JAK1: variants seen among roughly 807,000 people sequenced by gnomAD.
JAK1 encodes tyrosine-protein kinase JAK1.
JAK1 carries 16 observed loss-of-function variants against 136.6 expected under a neutral mutation model. The observed-to-expected ratio is 0.12, with a 90% CI of 0.08 to 0.18. JAK1 has a LOEUF of 0.18. Ranked by LOEUF, JAK1 falls within the 10% of genes least tolerant of loss-of-function variation. The probability of loss-of-function intolerance (pLI) is 1.00; values close to 1 mark genes in which losing one functional copy is unlikely to be tolerated. For synonymous variants in JAK1, 492 were observed against 519.5 expected (o/e 0.95, Z 0.72); for missense variants, 859 against 1,450.1 (o/e 0.59, Z 6.62).
chr1:64,891,635 G>T (rs765541667), intron 1 of JAK1, among the ~76,000 whole-genome samples: 1 of 152,202 alleles, frequency 6.6e-6, no homozygotes, highest in Non-Finnish European at 1.5e-5. Flanking sequence ...TAGAGCCACC[G>T]AAAATGACTT....
At chr1:64,878,603 A>ATATATC (rs1557658058) in intron 4 of JAK1, among the ~76,000 whole-genome samples, 9 of 110,148 alleles carry the variant, frequency 8.2e-5, no homozygotes, top group Non-Finnish European at 1.7e-4. Flanking sequence ...ATATATATAT[A>ATATATC]TATCTCAAAA....
At position 64,841,335 on chromosome 1, in the gene JAK1, T is replaced by C. The variant is rs977372702; in HGVS notation, c.2559A>G (p.Pro853=). Reference sequence around the variant, plus strand: ...CTGGTTTTTTTTCTGAAACAATATCTGGATCTAACAGAAGAGAAAAGAAAA... The same window carrying C: ...CTGGTTTTTTTTCTGAAACAATATCCGGATCTAACAGAAGAGAAAAGAAAA... The part of the protein sequence containing the change: ...RDINKLEEQN[P]DIVSEKKPAT... Residue 853 remains proline (P), a synonymous_variant, in exon 19 of 25, where the codon CCA becomes CCG. Transcript: ENST00000342505. The C allele has an allele frequency of 6.2e-7, 1 of 1,613,738 alleles. No homozygotes were observed. The highest frequency in any genetic ancestry group is 1.3e-5 in the African/African-American group (1 of 75,024).
chr1:64,874,500 T>C (rs1464717388), intron 4 of JAK1, among the ~76,000 whole-genome samples: 1 of 152,102 alleles, frequency 6.6e-6, no homozygotes, highest in African/African-American at 2.4e-5. Context: ...TTTTGGAGGG[T>C]CAAAGTTATG....
chr1:64,950,908 ACT>A (rs1395243601), intron 1 of JAK1, among the ~76,000 whole-genome samples: 1 of 152,100 alleles, frequency 6.6e-6, no homozygotes, highest in Non-Finnish European at 1.5e-5. Flanking sequence ...TCACTTAAAC[ACT>A]CTGATTCCTT....
At chr1:64,991,206 A>C (rs1266389481) in intron 2 of JAK1, 1 of 152,230 alleles carries the variant, frequency 6.6e-6, no homozygotes, top group Non-Finnish European at 1.5e-5. Context: ...AATGAAAAAA[A>C]CCACTAGAGG....
At chr1:65,025,751 C>T (rs1646972693) in intron 2 of JAK1, among the ~76,000 whole-genome samples, 1 of 152,154 alleles carries the variant, frequency 6.6e-6, no homozygotes, top group Non-Finnish European at 1.5e-5. Context: ...GATCACAGCT[C>T]ACTGTAGCCT....
intron 5 of JAK1, 132 bp from the exon 6 acceptor site, chr1:64,869,606 A>C (rs1570673826): frequency 1.5e-6 from 1 of 685,454 alleles, no homozygotes; most frequent in Non-Finnish European, 2.5e-6. Context: ...TTTCTCTAGC[A>C]TCAGAGCTCT....
At chr1:64,971,608 G>A (rs538110364) in intron 2 of JAK1, among the ~76,000 whole-genome samples, 2 of 151,386 alleles carry the variant, frequency 1.3e-5, no homozygotes, top group East Asian at 3.9e-4. Flanking sequence ...GCCCAGGCTC[G>A]AGTACAGTGG....
rs1480298644 is a variant in JAK1, at chr1:64,833,686, A to AGAC, written c.*873_*875dup. On this transcript the variant is annotated 3_prime_UTR_variant, in exon 25 of 25. Coordinates refer to ENST00000342505, the MANE Select transcript of JAK1 (RefSeq NM_002227.4). ...GAACAGTGCAGCGTATGTGGTATTC[A>AGAC]GACTGGTTGCATACAGCATTCAAAA... 1 of 232,944 alleles carries AGAC rather than the reference A, an allele frequency of 4.3e-6. No homozygotes were observed. The highest frequency in any genetic ancestry group is 8.5e-6 in the Non-Finnish European group (1 of 117,900). The allele number at this position is 232,944 out of a possible 1,614,324, so 14.4% of individuals were successfully genotyped here.
chr1:65,059,847 A>G (rs189388522), intron 1 of JAK1, among the ~76,000 whole-genome samples: 212 of 152,304 alleles, frequency 1.4e-3, no homozygotes, highest in Admixed American at 7.5e-3. Flanking sequence ...TGCATATTAG[A>G]TATTAGCACT....
intron 2 of JAK1, among the ~76,000 whole-genome samples, chr1:65,014,841 C>T (rs1386106191): frequency 1.3e-5 from 2 of 152,024 alleles, no homozygotes; most frequent in East Asian, 1.9e-4. Flanking sequence ...CCCGCCACCA[C>T]GCCCGGCTAA....
At chr1:65,003,145 G>A (rs1646776663) in intron 2 of JAK1, among the ~76,000 whole-genome samples, 1 of 151,794 alleles carries the variant, frequency 6.6e-6, no homozygotes, top group Non-Finnish European at 1.5e-5. Context: ...GTGACTCGGC[G>A]GGAGCCCAAA....
intron 22 of JAK1, 46 bp from the exon 23 acceptor site, chr1:64,836,261 C>T (rs753737670): frequency 2.9e-6 from 3 of 1,040,948 alleles, no homozygotes; most frequent in Non-Finnish European, 4.5e-6. Context: ...GGGAGGCACA[C>T]TCCATCCGAC....
intron 6 of JAK1, 146 bp from the exon 7 acceptor site, chr1:64,867,354 T>C: frequency 1.7e-6 from 1 of 594,040 alleles, no homozygotes; most frequent in Non-Finnish European, 2.9e-6. Flanking sequence ...GAGTTAGCAC[T>C]GAAGATGACC....
At chr1:65,016,812 T>C (rs1389570883) in intron 2 of JAK1, among the ~76,000 whole-genome samples, 1 of 151,564 alleles carries the variant, frequency 6.6e-6, no homozygotes. Context: ...GCAGGAGAAT[T>C]GCTTGAACCC....
chr1:64,866,325 C>T (rs541402769), intron 7 of JAK1, among the ~76,000 whole-genome samples: 4 of 152,292 alleles, frequency 2.6e-5, no homozygotes, highest in African/African-American at 9.6e-5. Context: ...TGCTCTTAAG[C>T]CACTCTGCTC....
At chr1:64,948,236 T>C (rs913370684) in intron 1 of JAK1, among the ~76,000 whole-genome samples, 10 of 152,364 alleles carry the variant, frequency 6.6e-5, no homozygotes, top group Non-Finnish European at 1.3e-4. Context: ...TGCCTAGGTA[T>C]ACTGACTCTC....
chr1:64,937,949 G>A (rs536009721), intron 1 of JAK1, among the ~76,000 whole-genome samples: 26 of 151,826 alleles, frequency 1.7e-4, no homozygotes, highest in Non-Finnish European at 3.2e-4. Flanking sequence ...GCGCGATCTC[G>A]GCTCAGTGCA....
upstream of JAK1, among the ~76,000 whole-genome samples, chr1:64,967,246 T>C (rs932401041): frequency 1.1e-4 from 16 of 152,214 alleles, no homozygotes; most frequent in African/African-American, 3.1e-4. Flanking sequence ...TCATACTTCG[T>C]AGGCAGTCCA....
Sources: gnomAD v4.1 joint callset for allele counts (sites outside exome capture counted in the v4.1 genomes callset) on GRCh38, gnomAD v4.1.1 for gene constraint, MANE v1.5 for transcripts, NCBI Gene and HGNC (gene_info 2026-07-23, HGNC 2026-07-21) for gene names.